ECE1: variants seen among roughly 807,000 people sequenced by gnomAD.
ECE1 encodes the protein endothelin-converting enzyme 1.
A neutral mutation model predicts 98.6 loss-of-function variants in ECE1; 35 were observed. That is an observed-to-expected ratio of 0.35 (90% CI 0.27 to 0.47). ECE1 has a LOEUF of 0.47. Ranked by LOEUF, ECE1 falls within the 20% of genes least tolerant of loss-of-function variation. The pLI, the probability that ECE1 is intolerant of heterozygous loss-of-function variation, is 1.00. For missense variants in ECE1, 814 were observed against 1,025.3 expected, an observed-to-expected ratio of 0.79 and a Z score of 2.81; for synonymous variants, 394 against 407.1, an observed-to-expected ratio of 0.97 and a Z score of 0.39.
intron 2 of ECE1, among the ~76,000 whole-genome samples, chr1:21,285,889 G>C (rs1432077088): frequency 6.6e-6 from 1 of 151,778 alleles, no homozygotes; most frequent in East Asian, 1.9e-4. Context: ...CTACTGGGGA[G>C]GCTGAGGTGG....
chr1:21,224,596 T>C (rs996651721), intron 17 of ECE1, among the ~76,000 whole-genome samples: 1 of 152,016 alleles, frequency 6.6e-6, no homozygotes, highest in Non-Finnish European at 1.5e-5. Flanking sequence ...CTCTATGGAT[T>C]TCTGCTCTTA....
chr1:21,310,837 G>A (rs1558427354), intron 1 of ECE1, among the ~76,000 whole-genome samples: 1 of 152,154 alleles, frequency 6.6e-6, no homozygotes, highest in Non-Finnish European at 1.5e-5. Context: ...AATAGAAGGG[G>A]TTGTGTAAGG....
In ECE1 at chr1:21,235,630, T is replaced by C. The variant is rs868027366; in HGVS notation, c.1566+220A>G. Reference sequence around the variant, plus strand: ...ACTGGTGGGCACTGCTGATGGATGGTGGCTATGGGGAGGCAGGGCCTCCAG... The same window carrying C: ...ACTGGTGGGCACTGCTGATGGATGGCGGCTATGGGGAGGCAGGGCCTCCAG... On this transcript the variant is annotated intron_variant, in intron 13 of 18. Coordinates refer to ENST00000374893, the MANE Select transcript of ECE1 (RefSeq NM_001397.3). This position sits in a 1 kb window ranked among gnomAD's most constrained non-coding sequence, Gnocchi z 4.2. Among the ~76,000 whole-genome samples the C allele has an allele frequency of 6.6e-6, 1 of 152,182 alleles. No homozygotes were observed. The highest frequency in any genetic ancestry group is 6.5e-5 in the Admixed American group (1 of 15,282).
chr1:21,257,682 C>T, intron 6 of ECE1, 92 bp from the exon 7 acceptor site: 2 of 1,343,400 alleles, frequency 1.5e-6, no homozygotes. Flanking sequence ...TGGCACATGG[C>T]AGCAGAGGCC....
intron 7 of ECE1, among the ~76,000 whole-genome samples, chr1:21,257,085 C>T (rs949995192): frequency 2.0e-5 from 3 of 152,084 alleles, no homozygotes; most frequent in African/African-American, 7.2e-5. Context: ...ATCTCAGGCT[C>T]GTCATTTACT....
rs1294793932 is a variant in ECE1 at position 21,327,624 on chromosome 1, A to T, written c.3+17752T>A. Among the ~76,000 whole-genome samples the T allele has an allele frequency of 1.3e-5, 2 of 152,148 alleles. No individual in the cohort carries two copies. Among genetic ancestry groups the T allele is most frequent in the African/African-American group, 4.8e-5 (2 of 41,434 alleles). On this transcript the variant is annotated intron_variant, in intron 1 of 18. Coordinates refer to the ECE1 transcript ENST00000415912. This position sits in a 1 kb window ranked among gnomAD's most constrained non-coding sequence, Gnocchi z 4.6. Reference sequence around the variant, plus strand: ...GCACAAATGGAGTCTTTTGGTATAGAGGAAAATAAAGCCTCACCTGGTCTG... The same window carrying T: ...GCACAAATGGAGTCTTTTGGTATAGTGGAAAATAAAGCCTCACCTGGTCTG...
At chr1:21,268,683 G>A (rs1429605691) in intron 4 of ECE1, among the ~76,000 whole-genome samples, 1 of 152,238 alleles carries the variant, frequency 6.6e-6, no homozygotes, top group African/African-American at 2.4e-5. Context: ...AGAGTGGCCT[G>A]GGCACCTCCG....
At chr1:21,332,857 G>A (rs115162991) in intron 1 of ECE1, among the ~76,000 whole-genome samples, 1,908 of 150,812 alleles carry the variant, frequency 0.013, 40 homozygotes, top group African/African-American at 0.044. Context: ...TGGGGTGGGC[G>A]GATGGTGAAG....
chr1:21,290,040 G>A lies in ECE1; in HGVS notation c.138+30C>T. ...GCGCATGCCCGGGCCCGGGGCGCCTGGACCTCGGGAGGGAGCGGAGGGCGC... is the reference window on the plus strand; with the variant it reads ...GCGCATGCCCGGGCCCGGGGCGCCTAGACCTCGGGAGGGAGCGGAGGGCGC... On this transcript the variant is annotated intron_variant, in intron 2 of 18. Coordinates refer to ENST00000374893, the MANE Select transcript of ECE1 (RefSeq NM_001397.3). The surrounding 1 kb of genome is among the most constrained non-coding windows in gnomAD (Gnocchi z 7.3). The A allele has an allele frequency of 7.3e-7, 1 of 1,370,144 alleles. No individual in the cohort carries two copies. The highest frequency in any genetic ancestry group is 1.6e-5 in the South Asian group (1 of 61,868). 84.9% of individuals were successfully genotyped at this position (1,370,144 alleles called of 1,614,324 possible).
rs775777220 is a variant in ECE1 at position 21,219,930 on chromosome 1, C to T, written c.*25G>A. On this transcript the variant is annotated 3_prime_UTR_variant, in exon 19 of 19. Coordinates refer to ENST00000374893, the MANE Select transcript of ECE1 (RefSeq NM_001397.3). This position sits in a 1 kb window ranked among gnomAD's most constrained non-coding sequence, Gnocchi z 4.5. ...TCGTCCTCAGCCCCTTCCCCTCCTC[C>T]GTCTTGGCTCTCTCCGCTTCGTCCT... is the stretch of plus-strand genomic sequence containing the variant. 12 of 1,613,612 alleles carry T rather than the reference C, an allele frequency of 7.4e-6. No homozygotes were observed. The highest frequency in any genetic ancestry group is 3.5e-4 in the Middle Eastern group (2 of 5,752).
At chr1:21,315,789 C>CAAAAAAA (rs754647376) in intron 1 of ECE1, among the ~76,000 whole-genome samples, 9 of 47,282 alleles carry the variant, frequency 1.9e-4, no homozygotes, top group African/African-American at 7.1e-4. Flanking sequence ...GACTCTGTCT[C>CAAAAAAA]AAAAAAAAAA....
chr1:21,257,342 T>C (rs2098221135), intron 7 of ECE1, among the ~76,000 whole-genome samples, 183 bp downstream of exon 7: 1 of 152,186 alleles, frequency 6.6e-6, no homozygotes, highest in South Asian at 2.1e-4. Flanking sequence ...GTGTCCATGA[T>C]GCCTGAGTGA....
At chr1:21,338,319 C>T (rs537827219) in intron 1 of ECE1, among the ~76,000 whole-genome samples, 33 of 152,188 alleles carry the variant, frequency 2.2e-4, no homozygotes, top group Non-Finnish European at 4.3e-4. Flanking sequence ...CAGAGAATCG[C>T]AAAATGTTTA....
At chr1:21,238,293 C>A in intron 10 of ECE1, 49 bp from the exon 11 acceptor site, 1 of 1,482,014 alleles carries the variant, frequency 6.7e-7, no homozygotes, top group East Asian at 2.3e-5. Flanking sequence ...CCTTTGTTTC[C>A]CAACCCCTTT....
At chr1:21,308,246 T>C (rs1638640339) in intron 1 of ECE1, among the ~76,000 whole-genome samples, 1 of 152,196 alleles carries the variant, frequency 6.6e-6, no homozygotes, top group Non-Finnish European at 1.5e-5. Context: ...TAACAAGCAT[T>C]TGTGCATGCT....
chr1:21,304,020 TA>T (rs35065663), intron 1 of ECE1, among the ~76,000 whole-genome samples: 138 of 139,984 alleles, frequency 9.9e-4, no homozygotes, highest in Non-Finnish European at 1.2e-3. Context: ...CCATTTTCCT[TA>T]AAAAAAAAAA....
rs757362540 is a variant in ECE1 at position 21,279,283 on chromosome 1, G to T, written c.188C>A (p.Thr63Asn). 1.2e-6 allele frequency: 2 copies of T among 1,614,106 alleles called. No homozygotes were observed. Among genetic ancestry groups the T allele is most frequent in the East Asian group, 4.5e-5 (2 of 44,898 alleles). ...CACCACCAGCCGCTTCTCCACCTGGGTCCGTGCAGCCCAGCACCTCTGGCC... is the reference window on the plus strand; with the variant it reads ...CACCACCAGCCGCTTCTCCACCTGGTTCCGTGCAGCCCAGCACCTCTGGCC... ...RSGQRCWAAR[T>N]QVEKRLVVLV... Residue 63 changes from threonine (T) to asparagine (N), a missense_variant, in exon 3 of 19, where the codon ACC becomes AAC. By Grantham distance (65) the Thr-to-Asn change is moderately conservative. Transcript: ENST00000374893.
At chr1:21,255,879 C>G in intron 8 of ECE1, 68 bp downstream of exon 8, 1 of 1,537,414 alleles carries the variant, frequency 6.5e-7, no homozygotes, top group Non-Finnish European at 9.0e-7. Flanking sequence ...ATAAAAGCCC[C>G]CAGTCCAGGG....
Position 21,235,281 on chromosome 1 carries a change from G to T in ECE1, c.1566+569C>A, listed in dbSNP as rs1245306302. 6.6e-6 allele frequency among the ~76,000 whole-genome samples: 1 copy of T among 152,240 alleles called. No homozygotes were observed. Among genetic ancestry groups the T allele is most frequent in the Non-Finnish European group, 1.5e-5 (1 of 68,032 alleles). ...GCCAAAAGTTCTAATAAGCAGGGAT[G>T]TATCAACCACCTCCATTGCCCAAAC... On this transcript the variant is annotated intron_variant, in intron 13 of 18. Coordinates refer to ENST00000374893, the MANE Select transcript of ECE1 (RefSeq NM_001397.3). The surrounding 1 kb of genome is among the most constrained non-coding windows in gnomAD (Gnocchi z 4.2).
Sources: gnomAD v4.1 joint callset for allele counts (sites outside exome capture counted in the v4.1 genomes callset) on GRCh38, gnomAD v4.1.1 for gene constraint, Gnocchi (gnomAD v3.1) non-coding constraint, MANE v1.5 for transcripts, NCBI Gene and HGNC (gene_info 2026-07-23, HGNC 2026-07-21) for gene names.